The following RARB variants were observed in gnomAD, a reference collection of about 807,000 sequenced individuals.
The protein encoded by RARB is HBV-activated protein.
RARB carries 17 observed loss-of-function variants against 51.9 expected under a neutral mutation model. The ratio of observed to expected loss-of-function variants is 0.33; its 90% CI spans 0.22 to 0.49. The LOEUF (loss-of-function observed/expected upper bound fraction) is 0.49, where lower values mean the gene tolerates loss of function less well. Among genes scored for constraint, RARB ranks in the 20% least tolerant of loss-of-function variants. The pLI is 0.99. For synonymous variants in RARB, 215 were observed against 195.4 expected, an observed-to-expected ratio of 1.10 and a Z score of -0.84; for missense variants, 369 against 550.8, an observed-to-expected ratio of 0.67 and a Z score of 3.30.
At chr3:25,183,099 G>C (rs984591916) in intron 5 of RARB, among the ~76,000 whole-genome samples, 1 of 152,086 alleles carries the variant, frequency 6.6e-6, no homozygotes, top group Non-Finnish European at 1.5e-5. Context: ...AACTGATACA[G>C]GGACCATAAC....
At chr3:25,569,259 C>A (rs1198891480) in intron 3 of RARB, among the ~76,000 whole-genome samples, 1 of 152,238 alleles carries the variant, frequency 6.6e-6, no homozygotes, top group Non-Finnish European at 1.5e-5. Flanking sequence ...TATCTCCTCT[C>A]AGATGAGTTT....
chr3:25,153,625 A>T (rs1266313576), intron 4 of RARB, among the ~76,000 whole-genome samples: 1 of 152,200 alleles, frequency 6.6e-6, no homozygotes, highest in Non-Finnish European at 1.5e-5. Flanking sequence ...GAGTTGTTTG[A>T]TAAATAATTC....
intron 2 of RARB, among the ~76,000 whole-genome samples, chr3:25,481,476 G>A (rs532581333): frequency 2.6e-5 from 4 of 152,342 alleles, no homozygotes; most frequent in African/African-American, 7.2e-5. Context: ...AGCTAGTCCA[G>A]AAATGTGCTT....
chr3:25,270,758 G>A (rs564360517), intron 5 of RARB, among the ~76,000 whole-genome samples: 1 of 152,182 alleles, frequency 6.6e-6, no homozygotes, highest in Non-Finnish European at 1.5e-5. Flanking sequence ...GTGCAGATGA[G>A]GAAAATGGAT....
chr3:25,402,861 T>G (rs1490918298), intron 5 of RARB, among the ~76,000 whole-genome samples: 1 of 151,724 alleles, frequency 6.6e-6, no homozygotes, highest in Non-Finnish European at 1.5e-5. Context: ...GTACAAAAAA[T>G]GTAGCTAGAA....
intron 3 of RARB, among the ~76,000 whole-genome samples, chr3:25,522,437 GC>G (rs1180480497): frequency 6.6e-6 from 1 of 152,090 alleles, no homozygotes; most frequent in African/African-American, 2.4e-5. Context: ...CTTGTCTCTG[GC>G]TTTTCACCCT....
chr3:25,464,230 A>G (rs990752320), intron 2 of RARB, among the ~76,000 whole-genome samples: 1 of 152,232 alleles, frequency 6.6e-6, no homozygotes, highest in East Asian at 1.9e-4. Context: ...TCTGTGGCAC[A>G]TACTAGGAGC....
chr3:24,866,963 T>G (rs569396900), intron 2 of RARB, among the ~76,000 whole-genome samples: 32 of 151,956 alleles, frequency 2.1e-4, no homozygotes, highest in Admixed American at 1.7e-3. Context: ...GTGTGGGAAA[T>G]GGTCTTCATT....
chr3:25,282,657 C>T (rs1463123889), intron 5 of RARB, among the ~76,000 whole-genome samples: 1 of 152,114 alleles, frequency 6.6e-6, no homozygotes, highest in Admixed American at 6.5e-5. Context: ...CACAGCATCA[C>T]CAGAAGAGCT....
At chr3:25,504,669 G>A (rs1697484122) in intron 3 of RARB, among the ~76,000 whole-genome samples, 2 of 151,604 alleles carry the variant, frequency 1.3e-5, no homozygotes, top group African/African-American at 4.8e-5. Context: ...TTTATGCTGT[G>A]GGAGAAAAAA....
chr3:24,970,498 G>A (rs922576562), intron 2 of RARB, among the ~76,000 whole-genome samples: 4 of 151,426 alleles, frequency 2.6e-5, no homozygotes, highest in East Asian at 2.0e-4. Context: ...CAGTTAACTG[G>A]ACTTTTAAAT....
Position 24,843,961 on chromosome 3 carries a change from T to C in RARB, c.-459+14558T>C, listed in dbSNP as rs143545428. On this transcript the variant is annotated intron_variant, in intron 1 of 11. Transcript: ENST00000383772. The stretch of plus-strand genomic sequence containing the variant: ...CATTCTCTCGGCACTTGTACCTTGG[T>C]CAATGCATGCTCACTTGCACATACA... 1.4e-3 allele frequency among the ~76,000 whole-genome samples: 213 copies of C among 151,838 alleles called. 2 individuals carry two copies. The highest frequency in any genetic ancestry group is 4.9e-3 in the African/African-American group (201 of 41,414).
chr3:25,304,429 A>C (rs1453064157), intron 5 of RARB, among the ~76,000 whole-genome samples: 1 of 152,112 alleles, frequency 6.6e-6, no homozygotes, highest in African/African-American at 2.4e-5. Context: ...TATGCCTAGT[A>C]TTGCCCTCTT....
chr3:25,512,276 C>G (rs765982260), intron 3 of RARB, among the ~76,000 whole-genome samples: 4 of 152,184 alleles, frequency 2.6e-5, no homozygotes, highest in Non-Finnish European at 5.9e-5. Context: ...GCTAATGCTC[C>G]TTCCGACCCA....
At chr3:25,112,124 T>C (rs1329066505) in intron 3 of RARB, among the ~76,000 whole-genome samples, 2 of 152,182 alleles carry the variant, frequency 1.3e-5, no homozygotes, top group Non-Finnish European at 2.9e-5. Flanking sequence ...AACAGACTCT[T>C]GTAGAAGTTA....
chr3:25,045,399 G>A lies in RARB; in HGVS notation c.-379-14726G>A, dbSNP rs572166618. Among the ~76,000 whole-genome samples, 6 of 152,278 alleles carry A rather than the reference G, an allele frequency of 3.9e-5. No homozygotes were observed. In the South Asian group the frequency reaches 1.2e-3, roughly 32 times the overall value. ...GAGGCCCTTCCGAGAGAGAAAGCGA[G>A]GTAACTCTTTGTATCTGAGAGGTTT... On this transcript the variant is annotated intron_variant, in intron 2 of 11. Transcript: ENST00000383772.
intron 4 of RARB, among the ~76,000 whole-genome samples, chr3:25,165,967 C>G (rs1391897557): frequency 1.3e-5 from 2 of 151,944 alleles, no homozygotes; most frequent in Non-Finnish European, 1.5e-5. Flanking sequence ...AAAAGAAATA[C>G]AGGGACATTC....
chr3:25,501,834 C>T (rs1044140938), intron 3 of RARB, among the ~76,000 whole-genome samples: 3 of 152,158 alleles, frequency 2.0e-5, no homozygotes, highest in African/African-American at 7.2e-5. Flanking sequence ...TTCTCCAAGC[C>T]ATCTTTTCCA....
At chr3:25,485,484 T>G (rs1026651627) in intron 2 of RARB, among the ~76,000 whole-genome samples, 4 of 152,184 alleles carry the variant, frequency 2.6e-5, no homozygotes, top group Non-Finnish European at 5.9e-5. Flanking sequence ...AAGGCCAATG[T>G]GCAACAGCAA....
Sources: gnomAD v4.1 joint callset for allele counts (sites outside exome capture counted in the v4.1 genomes callset) on GRCh38, gnomAD v4.1.1 for gene constraint, MANE v1.5 for transcripts, NCBI Gene and HGNC (gene_info 2026-07-23, HGNC 2026-07-21) for gene names.